Variants in TFPI observed in about 807,000 individuals in gnomAD.
The protein encoded by TFPI is tissue factor pathway inhibitor, also known as anti-convertin.
TFPI carries 15 observed loss-of-function variants against 34.6 expected under a neutral mutation model. The observed-to-expected ratio is 0.43, with a 90% CI of 0.29 to 0.67. TFPI has a LOEUF of 0.67. Ranked by LOEUF, TFPI falls within the 30% of genes least tolerant of loss-of-function variation. The pLI is 0.15. For missense variants in TFPI, 301 were observed against 364.0 expected (o/e 0.83, Z 1.41); for synonymous variants, 105 against 120.1 (o/e 0.87, Z 0.82).
intron 4 of TFPI, 24 bp from the exon 5 acceptor site, chr2:187,485,011 A>G: frequency 6.8e-7 from 1 of 1,468,364 alleles, no homozygotes; most frequent in Non-Finnish European, 9.0e-7. Context: ...AAATGTCAGA[A>G]AGCAATATTC....
At chr2:187,474,445 TA>T (rs1285409730) in intron 6 of TFPI, among the ~76,000 whole-genome samples, 1 of 152,164 alleles carries the variant, frequency 6.6e-6, no homozygotes, top group African/African-American at 2.4e-5. Flanking sequence ...TAGGTCAAAT[TA>T]AGAAGATTCT....
chr2:187,479,035 T>G (rs116350534), intron 6 of TFPI, among the ~76,000 whole-genome samples: 1,969 of 152,218 alleles, frequency 0.013, 16 homozygotes, highest in Non-Finnish European at 0.021. Context: ...GAAGGCCTCC[T>G]TATGGTAGTG....
At chr2:187,469,068 T>C (rs1050830323) in intron 6 of TFPI, among the ~76,000 whole-genome samples, 2 of 151,390 alleles carry the variant, frequency 1.3e-5, no homozygotes, top group Non-Finnish European at 2.9e-5. Flanking sequence ...AGAAAAGAAA[T>C]AAAACAAAGT....
chr2:187,482,809 T>C (rs1419256741), intron 6 of TFPI, among the ~76,000 whole-genome samples: 1 of 151,626 alleles, frequency 6.6e-6, no homozygotes, highest in East Asian at 1.9e-4. Flanking sequence ...GATGGGGGTC[T>C]GGGGAGGGTG....
intron 3 of TFPI, among the ~76,000 whole-genome samples, chr2:187,494,152 C>T (rs562146952): frequency 3.3e-5 from 5 of 152,216 alleles, no homozygotes; most frequent in Non-Finnish European, 4.4e-5. Flanking sequence ...TTCACTACCA[C>T]GATAATAGCA....
intron 1 of TFPI, among the ~76,000 whole-genome samples, chr2:187,551,165 T>C (rs1311479040): frequency 6.6e-6 from 1 of 152,186 alleles, no homozygotes; most frequent in East Asian, 1.9e-4. Context: ...TATTTTTTAC[T>C]CACATATTGA....
chr2:187,543,107 AATC>A (rs1392848332), intron 1 of TFPI, among the ~76,000 whole-genome samples: 1 of 152,210 alleles, frequency 6.6e-6, no homozygotes, highest in Non-Finnish European at 1.5e-5. Flanking sequence ...ATCATCAACT[AATC>A]ATTTTTTCTA....
intron 6 of TFPI, among the ~76,000 whole-genome samples, chr2:187,472,524 C>T (rs1692105102): frequency 6.6e-6 from 1 of 152,100 alleles, no homozygotes; most frequent in Admixed American, 6.6e-5. Context: ...TTTAGCAAAC[C>T]ATGGACCTTA....
intron 1 of TFPI, among the ~76,000 whole-genome samples, chr2:187,506,353 T>A (rs1236378363): frequency 2.0e-5 from 3 of 151,052 alleles, no homozygotes; most frequent in Non-Finnish European, 4.4e-5. Flanking sequence ...GTTTTAGATT[T>A]AAAAAAAAAT....
rs567404159 is a variant in TFPI at position 187,494,576 on chromosome 2, C to A, written c.319+2305G>T. On this transcript the variant is annotated intron_variant, in intron 3 of 7. Transcript: ENST00000233156. ...GTTCTTTATGTTGGGGAGAGAAAGT[C>A]TTGTTCTATTTATCCATCATGGCTG... Among the ~76,000 whole-genome samples the A allele has an allele frequency of 1.2e-3, 175 of 152,108 alleles. 2 individuals carry two copies. The highest frequency in any genetic ancestry group is 7.5e-4 in the Non-Finnish European group (51 of 68,018).
Position 187,545,497 on chromosome 2 carries a change from T to C in TFPI, c.-3+8703A>G, listed in dbSNP as rs116837018. On this transcript the variant is annotated intron_variant, in intron 1 of 7. Coordinates refer to ENST00000233156, the MANE Select transcript of TFPI (RefSeq NM_006287.6). ...ACTGAAGCTCAGGAAATTGATTTTTTCACCCCAGAGTCTTACATTTACATA... is the reference window on the plus strand; with the variant it reads ...ACTGAAGCTCAGGAAATTGATTTTTCCACCCCAGAGTCTTACATTTACATA... Among the ~76,000 whole-genome samples, 932 of 152,306 alleles carry C rather than the reference T, an allele frequency of 6.1e-3. 10 individuals are homozygous for C. Among genetic ancestry groups the C allele is most frequent in the African/African-American group, 0.021 (865 of 41,574 alleles).
intron 6 of TFPI, among the ~76,000 whole-genome samples, chr2:187,479,175 A>T: frequency 6.6e-6 from 1 of 152,064 alleles, no homozygotes. Flanking sequence ...ATTTGAATGG[A>T]CGGAAAAAAG....
chr2:187,540,305 A>G (rs140713086), intron 1 of TFPI, among the ~76,000 whole-genome samples: 40 of 152,300 alleles, frequency 2.6e-4, no homozygotes, highest in African/African-American at 9.4e-4. Flanking sequence ...AAGATGGAAA[A>G]AACATAGTGT....
chr2:187,522,520 T>A (rs1687435330), intron 1 of TFPI, among the ~76,000 whole-genome samples: 1 of 151,946 alleles, frequency 6.6e-6, no homozygotes, highest in African/African-American at 2.4e-5. Context: ...CATGGTATTT[T>A]GTGTTTCAAA....
chr2:187,478,879 TG>T (rs1410336540), intron 6 of TFPI: 5 of 1,255,412 alleles, frequency 4.0e-6, no homozygotes, highest in Non-Finnish European at 4.6e-6. Context: ...ATGCTGAGGG[TG>T]GGGGAAGTCT....
chr2:187,553,295 C>T (rs935256795), intron 1 of TFPI, among the ~76,000 whole-genome samples: 17 of 152,056 alleles, frequency 1.1e-4, no homozygotes, highest in South Asian at 6.2e-4. Context: ...TTTATATTAT[C>T]TCATGTTATA....
intron 1 of TFPI, among the ~76,000 whole-genome samples, chr2:187,539,079 A>G (rs1232665583): frequency 4.7e-5 from 2 of 42,944 alleles, no homozygotes; most frequent in African/African-American, 1.7e-4. Flanking sequence ...ACCTTTGCCT[A>G]AATAGAGTGT....
intron 1 of TFPI, among the ~76,000 whole-genome samples, chr2:187,541,206 G>A (rs933273613): frequency 1.3e-5 from 2 of 152,144 alleles, no homozygotes; most frequent in African/African-American, 4.8e-5. Context: ...TGGAATATCA[G>A]AAAGCCAGAA....
intron 1 of TFPI, among the ~76,000 whole-genome samples, chr2:187,534,912 A>C (rs1377278243): frequency 6.6e-6 from 1 of 152,040 alleles, no homozygotes; most frequent in Non-Finnish European, 1.5e-5. Context: ...AAAATAAAAA[A>C]ATAAAAAAAA....
Sources: allele counts gnomAD v4.1 joint callset (sites outside exome capture counted in the v4.1 genomes callset), GRCh38; gene constraint gnomAD v4.1.1; transcripts MANE v1.5; gene names NCBI Gene and HGNC (gene_info 2026-07-23, HGNC 2026-07-21).